The following PTPN14 variants were observed in gnomAD, a reference collection of about 807,000 sequenced individuals.
The protein encoded by PTPN14 is protein tyrosine phosphatase non-receptor type 14.
Under a neutral mutation model 126.8 loss-of-function variants are expected in PTPN14, and 53 were observed. That is an observed-to-expected ratio of 0.42 (90% confidence interval 0.34 to 0.53). The LOEUF (loss-of-function observed/expected upper bound fraction) is 0.53, where lower values mean the gene tolerates loss of function less well. Among genes scored for constraint, PTPN14 ranks in the 20% least tolerant of loss-of-function variants. PTPN14 has a pLI of 0.08. For synonymous variants in PTPN14, 630 were observed against 599.3 expected, an observed-to-expected ratio of 1.05 and a Z score of -0.75; for missense variants, 1,257 against 1,552.9, an observed-to-expected ratio of 0.81 and a Z score of 3.20.
intron 5 of PTPN14, among the ~76,000 whole-genome samples, chr1:214,404,286 G>C (rs1012536155): frequency 2.0e-5 from 3 of 152,188 alleles, no homozygotes; most frequent in East Asian, 3.8e-4. Flanking sequence ...AGAGACTTTA[G>C]AGCAGACGGG....
intron 1 of PTPN14, among the ~76,000 whole-genome samples, chr1:214,517,036 T>C (rs1368442758): frequency 1.3e-5 from 2 of 152,162 alleles, no homozygotes; most frequent in Non-Finnish European, 2.9e-5. Context: ...AAATATGTCC[T>C]ATCCAACCTT....
chr1:214,431,762 A>C (rs1659802269), intron 3 of PTPN14, among the ~76,000 whole-genome samples: 3 of 152,200 alleles, frequency 2.0e-5, no homozygotes, highest in African/African-American at 7.2e-5. Context: ...ATTCTGTGAA[A>C]TCAGAATAAT....
At chr1:214,457,939 G>A (rs573139441) in intron 2 of PTPN14, among the ~76,000 whole-genome samples, 1 of 152,136 alleles carries the variant, frequency 6.6e-6, no homozygotes, top group East Asian at 1.9e-4. Context: ...AATCCTAGCT[G>A]TTCGAGGAAC....
At chr1:214,396,415 C>G (rs975367545) in intron 8 of PTPN14, among the ~76,000 whole-genome samples, 1 of 152,224 alleles carries the variant, frequency 6.6e-6, no homozygotes. Context: ...GCTTCACAAC[C>G]TACAGTTCTA....
At position 214,364,762 on chromosome 1, in the gene PTPN14, GGTGAGT is replaced by G. The variant is rs1553258556; in HGVS notation, c.3272-93_3272-88del. 2.8e-6 allele frequency: 2 copies of G among 714,536 alleles called. No individual in the cohort carries two copies. Among genetic ancestry groups the G allele is most frequent in the South Asian group, 3.9e-5 (2 of 51,330 alleles). The allele number at this position is 714,536 out of a possible 1,614,324, so 44.3% of individuals were successfully genotyped here. On this transcript the variant is annotated intron_variant, in intron 17 of 18. Coordinates refer to ENST00000366956, the MANE Select transcript of PTPN14 (RefSeq NM_005401.5). This position sits in a 1 kb window ranked among gnomAD's most constrained non-coding sequence, Gnocchi z 4.1. ...GAGGGGGGAGCGGAAGAGAACTGATGGTGAGTGTGTGTGTGTGTGTGTGTGTGTGTG... is the reference window on the plus strand; with the variant it reads ...GAGGGGGGAGCGGAAGAGAACTGATGGTGTGTGTGTGTGTGTGTGTGTGTG...
At chr1:214,514,987 A>G (rs896275868) in intron 1 of PTPN14, among the ~76,000 whole-genome samples, 8 of 152,132 alleles carry the variant, frequency 5.3e-5, no homozygotes, top group Non-Finnish European at 8.8e-5. Flanking sequence ...ATAAACAAGC[A>G]TCCATCTCTC....
At chr1:214,532,709 T>C in intron 1 of PTPN14, 1 of 792,544 alleles carries the variant, frequency 1.3e-6, no homozygotes, top group Non-Finnish European at 2.3e-6. Flanking sequence ...CAGGCGCCAG[T>C]CTGTGGAGAG....
chr1:214,534,449 C>G (rs936413180), intron 1 of PTPN14, among the ~76,000 whole-genome samples: 5 of 152,108 alleles, frequency 3.3e-5, no homozygotes, highest in Admixed American at 2.6e-4. Context: ...CGCGGTGGCT[C>G]AAGCCTGTAA....
At chr1:214,394,598 G>A (rs1464022384) in intron 9 of PTPN14, among the ~76,000 whole-genome samples, 1 of 152,080 alleles carries the variant, frequency 6.6e-6, no homozygotes, top group African/African-American at 2.4e-5. Flanking sequence ...AGTAGAGATG[G>A]GGTTTCGCCA....
At chr1:214,499,838 T>A (rs898221050) in intron 1 of PTPN14, among the ~76,000 whole-genome samples, 1 of 150,772 alleles carries the variant, frequency 6.6e-6, no homozygotes, top group Non-Finnish European at 1.5e-5. Context: ...GTTTTATGTC[T>A]CAAATACAGA....
intron 1 of PTPN14, among the ~76,000 whole-genome samples, chr1:214,479,210 G>T (rs575665874): frequency 2.0e-4 from 31 of 152,168 alleles, no homozygotes; most frequent in African/African-American, 7.2e-4. Context: ...AACTGAATGT[G>T]GTGGTGCATG....
rs756000348 is a variant in PTPN14, at chr1:214,541,329, GA to G, written c.-155+9853del. Among the ~76,000 whole-genome samples the G allele has an allele frequency of 7.7e-4, 118 of 152,276 alleles. 1 individual carries two copies. The highest frequency in any genetic ancestry group is 3.9e-3 in the Admixed American group (59 of 15,290). ...AGGTTTCAACCCTGAGAAATGTTTG[GA>G]GAAGGTTCACAGGGAGCCAAGAGAT... On this transcript the variant is annotated intron_variant, in intron 1 of 18. Coordinates refer to ENST00000366956, the MANE Select transcript of PTPN14 (RefSeq NM_005401.5).
At chr1:214,456,501 T>C (rs1228791739) in intron 2 of PTPN14, among the ~76,000 whole-genome samples, 1 of 152,194 alleles carries the variant, frequency 6.6e-6, no homozygotes, top group African/African-American at 2.4e-5. Context: ...AATCAACCTC[T>C]ACTCTGGGTA....
chr1:214,487,756 T>C (rs921079302), intron 1 of PTPN14, among the ~76,000 whole-genome samples: 28 of 152,196 alleles, frequency 1.8e-4, no homozygotes, highest in African/African-American at 6.0e-4. Flanking sequence ...AGAGCTAACA[T>C]GTTAAGCAGT....
chr1:214,415,688 G>A (rs1213995813), intron 3 of PTPN14, among the ~76,000 whole-genome samples: 1 of 152,152 alleles, frequency 6.6e-6, no homozygotes, highest in Non-Finnish European at 1.5e-5. Flanking sequence ...CCATGTTGAT[G>A]TCACAGGCAT....
intron 3 of PTPN14, among the ~76,000 whole-genome samples, chr1:214,433,721 G>A (rs1468173675): frequency 6.6e-6 from 1 of 152,038 alleles, no homozygotes; most frequent in African/African-American, 2.4e-5. Flanking sequence ...ACGAATGAAT[G>A]ACTGTCTTCT....
intron 1 of PTPN14, among the ~76,000 whole-genome samples, chr1:214,465,217 A>G (rs1660607246): frequency 6.6e-6 from 1 of 152,234 alleles, no homozygotes; most frequent in South Asian, 2.1e-4. Flanking sequence ...GCATTCATTC[A>G]CAGGTGCACA....
At chr1:214,439,008 A>G (rs745685065) in intron 3 of PTPN14, among the ~76,000 whole-genome samples, 7 of 152,206 alleles carry the variant, frequency 4.6e-5, no homozygotes, top group Non-Finnish European at 8.8e-5. Flanking sequence ...CAAACACCAG[A>G]GAGTGAGGTC....
At chr1:214,410,165 T>G (rs1354717667) in intron 5 of PTPN14, among the ~76,000 whole-genome samples, 1 of 152,176 alleles carries the variant, frequency 6.6e-6, no homozygotes, top group African/African-American at 2.4e-5. Context: ...ATTTATTTAT[T>G]TTTACTTTTG....
Sources: allele counts gnomAD v4.1 joint callset (sites outside exome capture counted in the v4.1 genomes callset), GRCh38; gene constraint gnomAD v4.1.1; non-coding constraint Gnocchi (gnomAD v3.1); transcripts MANE v1.5; gene names NCBI Gene and HGNC (gene_info 2026-07-23, HGNC 2026-07-21).